The following GRIA3 variants were observed in gnomAD, a reference collection of about 807,000 sequenced individuals.
The protein encoded by GRIA3 is glutamate ionotropic receptor AMPA type subunit 3, also known as glutamate receptor 3.
In GRIA3, 3 loss-of-function variants were observed where a neutral mutation model predicts 63.0. The observed-to-expected ratio is 0.05, with a 90% CI of 0.02 to 0.12. The LOEUF (loss-of-function observed/expected upper bound fraction) is 0.12, where lower values mean the gene tolerates loss of function less well. GRIA3 is among the 10% of genes least tolerant of loss of function. GRIA3 has a pLI of 1.00. For missense variants in GRIA3, 347 were observed against 700.9 expected (o/e 0.50, Z 5.70); for synonymous variants, 274 against 257.9 (o/e 1.06, Z -0.60).
chrX:123,463,605 AGG>A (rs2045808555), intron 12 of GRIA3, among the ~76,000 whole-genome samples: 1 of 27,412 alleles, frequency 3.6e-5, no homozygotes, highest in Non-Finnish European at 6.4e-5. Context: ...GGAGGGAGGG[AGG>A]GAGGGAAAGA....
At position 123,257,239 on chromosome X, in the gene GRIA3, T is replaced by C. The variant is rs1057306580; in HGVS notation, c.508+3697T>C. 3.6e-5 allele frequency among the ~76,000 whole-genome samples: 4 copies of C among 111,923 alleles called. No homozygotes were observed. In the Admixed American group the frequency reaches 3.8e-4, roughly 11 times the overall value. On this transcript the variant is annotated intron_variant, in intron 3 of 15. Transcript: ENST00000620443. ...ATAAACAACTGGCTAGCCCCTAGAT[T>C]TATACTTTGTGCCTCCCCTAGTACA...
chrX:123,279,144 T>C (rs1043674754), intron 3 of GRIA3, among the ~76,000 whole-genome samples: 8 of 111,494 alleles, frequency 7.2e-5, no homozygotes, highest in African/African-American at 2.3e-4. Context: ...ATCTCAGTCA[T>C]ACATGGAATC....
chrX:123,474,576 G>A (rs1464281685), intron 13 of GRIA3, among the ~76,000 whole-genome samples: 1 of 110,747 alleles, frequency 9.0e-6, no homozygotes, highest in Non-Finnish European at 1.9e-5. Context: ...TCAGCTACTT[G>A]GGAGGCTGAG....
intron 3 of GRIA3, among the ~76,000 whole-genome samples, chrX:123,263,230 T>C (rs1317075795): frequency 9.0e-6 from 1 of 111,638 alleles, no homozygotes; most frequent in African/African-American, 3.3e-5. Flanking sequence ...AGAATATGAA[T>C]TGGAGAGGAG....
intron 5 of GRIA3, among the ~76,000 whole-genome samples, chrX:123,362,498 T>C (rs1391370522): frequency 5.4e-5 from 6 of 111,287 alleles, no homozygotes; most frequent in Non-Finnish European, 1.1e-4. Context: ...ATGTCTTCCC[T>C]GAACAGTCAG....
At chrX:123,193,453 C>A (rs1311402174) in intron 2 of GRIA3, among the ~76,000 whole-genome samples, 1 of 112,087 alleles carries the variant, frequency 8.9e-6, no homozygotes, top group Non-Finnish European at 1.9e-5. Context: ...AGAAGTACAA[C>A]ACAACCTGAA....
At chrX:123,399,425 G>A (rs1226247224) in intron 7 of GRIA3, among the ~76,000 whole-genome samples, 1 of 112,286 alleles carries the variant, frequency 8.9e-6, no homozygotes. Flanking sequence ...GGAATCAATG[G>A]ATAGACAGTC....
intron 12 of GRIA3, among the ~76,000 whole-genome samples, chrX:123,456,632 T>A (rs1187611373): frequency 1.8e-5 from 2 of 110,833 alleles, no homozygotes; most frequent in East Asian, 5.7e-4. Flanking sequence ...AAGCACATTG[T>A]CCTCTTCCAA....
intron 4 of GRIA3, among the ~76,000 whole-genome samples, chrX:123,338,986 G>A (rs2044992535): frequency 8.9e-6 from 1 of 112,351 alleles, no homozygotes. Flanking sequence ...CTGTTTTTAT[G>A]TGTTCCATAT....
chrX:123,316,570 A>G (rs1326894840), intron 3 of GRIA3, among the ~76,000 whole-genome samples: 2 of 112,456 alleles, frequency 1.8e-5, no homozygotes, highest in Non-Finnish European at 3.8e-5. Flanking sequence ...GAGATGCTGT[A>G]TGAGTGTTGT....
At position 123,286,806 on chromosome X, in the gene GRIA3, C is replaced by A. The variant is rs887874734; in HGVS notation, c.508+33264C>A. 1.7e-4 allele frequency among the ~76,000 whole-genome samples: 19 copies of A among 111,628 alleles called. No individual in the cohort carries two copies. In the South Asian group the frequency reaches 7.2e-3, roughly 42 times the overall value. On this transcript the variant is annotated intron_variant, in intron 3 of 15. Coordinates refer to ENST00000620443, the MANE Select transcript of GRIA3 (RefSeq NM_007325.5). ...CAACCAAAAAGAACCAAGGACCAGA[C>A]GGATTCGCAGCCAAATTTTACCAGA...
At chrX:123,248,925 T>C (rs2044374676) in intron 2 of GRIA3, among the ~76,000 whole-genome samples, 1 of 112,160 alleles carries the variant, frequency 8.9e-6, no homozygotes, top group African/African-American at 3.2e-5. Flanking sequence ...CTGCTGTTAT[T>C]GGGGCTGGAG....
intron 3 of GRIA3, among the ~76,000 whole-genome samples, chrX:123,287,516 C>T (rs1253062243): frequency 8.9e-6 from 1 of 111,748 alleles, no homozygotes; most frequent in African/African-American, 3.3e-5. Flanking sequence ...TTAGAAAACC[C>T]CATCGTCTCA....
intron 12 of GRIA3, among the ~76,000 whole-genome samples, chrX:123,460,419 C>T (rs1014182190): frequency 8.9e-6 from 1 of 111,866 alleles, no homozygotes; most frequent in African/African-American, 3.3e-5. Context: ...ATACCCACTA[C>T]AGGGTTTTCT....
chrX:123,185,552 G>A (rs781762843), intron 1 of GRIA3, among the ~76,000 whole-genome samples: 28 of 108,682 alleles, frequency 2.6e-4, no homozygotes, highest in Non-Finnish European at 5.0e-4. Flanking sequence ...GACTAAGAAA[G>A]AACCAAGTCT....
At chrX:123,253,248 G>A in intron 2 of GRIA3, 55 bp from the exon 3 acceptor site, 5 of 1,190,903 alleles carry the variant, frequency 4.2e-6, no homozygotes, top group Non-Finnish European at 5.7e-6. Flanking sequence ...AACCCTACAA[G>A]TTGCAGCAAA....
intron 2 of GRIA3, among the ~76,000 whole-genome samples, chrX:123,203,501 G>A (rs762412875): frequency 6.3e-5 from 7 of 111,435 alleles, no homozygotes; most frequent in Non-Finnish European, 1.3e-4. Context: ...GGTTTGGAGC[G>A]GGGGAGATCC....
intron 3 of GRIA3, among the ~76,000 whole-genome samples, chrX:123,281,654 G>C (rs1419527667): frequency 2.7e-5 from 3 of 111,343 alleles, no homozygotes. Context: ...CTTATCATCA[G>C]AATGCCCTAG....
At chrX:123,384,258 A>G (rs1310138046) in intron 5 of GRIA3, among the ~76,000 whole-genome samples, 1 of 112,029 alleles carries the variant, frequency 8.9e-6, no homozygotes, top group East Asian at 2.8e-4. Flanking sequence ...TTCTGTTTTT[A>G]AGTCTGAGAA....
Sources: allele counts gnomAD v4.1 joint callset (sites outside exome capture counted in the v4.1 genomes callset), GRCh38; gene constraint gnomAD v4.1.1; transcripts MANE v1.5; gene names NCBI Gene and HGNC (gene_info 2026-07-23, HGNC 2026-07-21).